Variants in YEATS2 observed in about 807,000 individuals in gnomAD.
YEATS2 encodes YEATS domain-containing protein 2.
In YEATS2, 77 loss-of-function variants were observed where a neutral mutation model predicts 163.2. The ratio of observed to expected loss-of-function variants is 0.47; its 90% CI spans 0.39 to 0.57. The LOEUF (loss-of-function observed/expected upper bound fraction) is 0.57, where lower values mean the gene tolerates loss of function less well. Ranked by LOEUF, YEATS2 falls within the 20% of genes least tolerant of loss-of-function variation. YEATS2 has a pLI of 0.00. For synonymous variants in YEATS2, 631 were observed against 645.1 expected (o/e 0.98, Z 0.33); for missense variants, 1,549 against 1,729.8 (o/e 0.90, Z 1.85).
chr3:183,777,197 C>G (rs1205102088), intron 18 of YEATS2, among the ~76,000 whole-genome samples: 1 of 152,152 alleles, frequency 6.6e-6, no homozygotes, highest in Non-Finnish European at 1.5e-5. Flanking sequence ...AGTCTTGGCT[C>G]TTTTTGAAGG....
At chr3:183,782,565 A>C (rs1462013075) in intron 19 of YEATS2, among the ~76,000 whole-genome samples, 1 of 151,932 alleles carries the variant, frequency 6.6e-6, no homozygotes, top group Non-Finnish European at 1.5e-5. Context: ...CTAGGATTAC[A>C]GGCGCCTGCC....
chr3:183,772,156 C>G, intron 15 of YEATS2, 149 bp from the exon 16 acceptor site: 1 of 935,910 alleles, frequency 1.1e-6, no homozygotes, highest in Non-Finnish European at 1.6e-6. Context: ...AATACAGTTG[C>G]CGTTCACACC....
At chr3:183,768,583 A>T (rs1470757344) in intron 15 of YEATS2, among the ~76,000 whole-genome samples, 3 of 152,100 alleles carry the variant, frequency 2.0e-5, no homozygotes, top group Admixed American at 1.3e-4. Flanking sequence ...GTTCTTGATC[A>T]GTAAGAAGGG....
chr3:183,781,396 C>T (rs542828689), intron 19 of YEATS2, among the ~76,000 whole-genome samples: 15 of 152,176 alleles, frequency 9.9e-5, no homozygotes, highest in Non-Finnish European at 1.3e-4. Flanking sequence ...GCCCATTGTC[C>T]GCCTTTTTGT....
intron 7 of YEATS2, among the ~76,000 whole-genome samples, chr3:183,733,694 T>C (rs1718046484): frequency 6.6e-6 from 1 of 152,220 alleles, no homozygotes; most frequent in Non-Finnish European, 1.5e-5. Context: ...ACAAATGTTT[T>C]TCTTACACAC....
chr3:183,728,453 C>T (rs1280547644), intron 6 of YEATS2, among the ~76,000 whole-genome samples: 1 of 152,226 alleles, frequency 6.6e-6, no homozygotes, highest in African/African-American at 2.4e-5. Context: ...TTTCAGCCTC[C>T]TGAAGTGCTG....
At chr3:183,754,651 T>G (rs1199137565) in intron 11 of YEATS2, among the ~76,000 whole-genome samples, 1 of 152,186 alleles carries the variant, frequency 6.6e-6, no homozygotes, top group Non-Finnish European at 1.5e-5. Flanking sequence ...TGGCTGAAAC[T>G]AAGGTGTAGG....
intron 2 of YEATS2, 26 bp from the exon 3 acceptor site, chr3:183,717,625 G>T: frequency 6.7e-7 from 1 of 1,487,108 alleles, no homozygotes; most frequent in Non-Finnish European, 9.0e-7. Context: ...ATTAGGCCTT[G>T]GATGTATTTT....
At chr3:183,806,461 C>T in intron 27 of YEATS2, 1 of 456,984 alleles carries the variant, frequency 2.2e-6, no homozygotes, top group Non-Finnish European at 4.4e-6. Flanking sequence ...GAAATGTTAA[C>T]AGTCCTGCTC....
intron 20 of YEATS2, among the ~76,000 whole-genome samples, chr3:183,789,334 G>T (rs1724362715): frequency 6.6e-6 from 1 of 151,950 alleles, no homozygotes; most frequent in Non-Finnish European, 1.5e-5. Context: ...TCTGCATAAA[G>T]ATATCCAGTT....
chr3:183,748,988 T>G (rs262965), intron 9 of YEATS2, among the ~76,000 whole-genome samples: 66,649 of 151,692 alleles, frequency 0.44, 15,029 homozygotes, highest in East Asian at 0.65. Context: ...TGTCGCCCAG[T>G]CTGGAGTGCG....
At chr3:183,793,165 A>G (rs1195376632) in intron 21 of YEATS2, 6 of 1,288,130 alleles carry the variant, frequency 4.7e-6, no homozygotes, top group African/African-American at 1.5e-5. Context: ...GAAAAACTGA[A>G]TATCACCGAG....
chr3:183,728,704 A>G lies in YEATS2; in HGVS notation c.665A>G (p.Asp222Gly). ...TTCTTCTCTAGGTATATACCTCCGG[A>G]TAAGAGGGAAGAAAATGACCAGTCA... Reference protein sequence around the residue: ...VGNVSKYIPPDKREENDQSTH... With the variant: ...VGNVSKYIPPGKREENDQSTH... The change falls in exon 7 of 31, where the codon GAT (aspartate) becomes GGT (glycine). Residue 222 changes from aspartate to glycine, a missense_variant. Asp to Gly is a moderately conservative substitution (Grantham distance 94). Transcript: ENST00000305135. The G allele has an allele frequency of 6.2e-7, 1 of 1,610,588 alleles. No individual in the cohort carries two copies. The highest frequency in any genetic ancestry group is 2.2e-5 in the East Asian group (1 of 44,824).
rs541383495 is a variant in YEATS2, at chr3:183,806,038, G to A, written c.3785-828G>A. On this transcript the variant is annotated intron_variant, in intron 27 of 30. Coordinates refer to ENST00000305135, the MANE Select transcript of YEATS2 (RefSeq NM_018023.5). ...CCTTTTAATCTGACTGATTCCAAAC[G>A]GCCCCTAACCTACAATGGTTTGACC... Among the ~76,000 whole-genome samples, 5 of 151,984 alleles carry A rather than the reference G, an allele frequency of 3.3e-5. No homozygotes were observed. The South Asian group carries it at 1.0e-3, about 32-fold the overall frequency.
intron 20 of YEATS2, 113 bp downstream of exon 20, chr3:183,786,414 C>CAT: frequency 4.8e-6 from 4 of 828,018 alleles, no homozygotes; most frequent in Non-Finnish European, 7.0e-6. Context: ...TCAACTATTG[C>CAT]TTTTTTTTTT....
chr3:183,807,817 AT>A, intron 28 of YEATS2: 1 of 538,482 alleles, frequency 1.9e-6, no homozygotes. Context: ...TTATAGTCAT[AT>A]TTTAAATATC....
At chr3:183,770,043 C>T (rs1182567779) in intron 15 of YEATS2, among the ~76,000 whole-genome samples, 1 of 151,810 alleles carries the variant, frequency 6.6e-6, no homozygotes, top group African/African-American at 2.4e-5. Flanking sequence ...ATGTATTTTA[C>T]TGAACTCACA....
intron 8 of YEATS2, among the ~76,000 whole-genome samples, chr3:183,741,130 G>C (rs1237245769): frequency 2.0e-5 from 3 of 151,802 alleles, no homozygotes; most frequent in Non-Finnish European, 4.4e-5. Context: ...GTAGAAATAG[G>C]GTTTCACCGT....
intron 8 of YEATS2, among the ~76,000 whole-genome samples, chr3:183,745,341 T>G (rs1719416434): frequency 6.6e-6 from 1 of 152,202 alleles, no homozygotes. Flanking sequence ...CCACCTGCTC[T>G]CAGGGCTCAT....
Sources: allele counts gnomAD v4.1 joint callset (sites outside exome capture counted in the v4.1 genomes callset), GRCh38; gene constraint gnomAD v4.1.1; transcripts MANE v1.5; gene names NCBI Gene and HGNC (gene_info 2026-07-23, HGNC 2026-07-21).